LRFN5: variants seen among roughly 807,000 people sequenced by gnomAD.
The protein encoded by LRFN5 is leucine rich repeat and fibronectin type III domain containing 5.
LRFN5 carries 24 observed loss-of-function variants against 45.6 expected under a neutral mutation model. The ratio of observed to expected loss-of-function variants is 0.53; its 90% confidence interval spans 0.38 to 0.74. LRFN5 has a LOEUF of 0.74. LRFN5 is among the 30% of genes least tolerant of loss of function. The pLI is 0.00. For synonymous variants in LRFN5, 340 were observed against 313.8 expected (o/e 1.08, Z -0.88); for missense variants, 776 against 861.5 (o/e 0.90, Z 1.24).
chr14:41,886,856 G>A lies in LRFN5; in HGVS notation c.231G>A (p.Leu77=). The A allele has an allele frequency of 6.2e-7, 1 of 1,614,068 alleles. No homozygotes were observed. The highest frequency in any genetic ancestry group is 1.6e-4 in the Middle Eastern group (1 of 6,062). The change falls in exon 3 of 6, where the codon TTG becomes TTA. Residue 77 remains leucine, a synonymous_variant. Coordinates refer to ENST00000298119, the MANE Select transcript of LRFN5 (RefSeq NM_152447.5). ...KRKDFANMTS[L]VDLTLSRNTI... ...AAGATTTTGCCAATATGACCAGCTT[G>A]GTGGACCTGACTCTATCCAGGAATA...
chr14:41,893,763 TC>T, intron 4 of LRFN5: 1 of 985,368 alleles, frequency 1.0e-6, no homozygotes, highest in Non-Finnish European at 1.2e-6. Flanking sequence ...AAAATAATTA[TC>T]CAATGGGCTT....
chr14:41,717,157 AAG>A (rs1883526350), intron 1 of LRFN5, among the ~76,000 whole-genome samples: 2 of 152,312 alleles, frequency 1.3e-5, no homozygotes, highest in African/African-American at 4.8e-5. Context: ...ATAAATAAAA[AAG>A]AATGTAAATG....
intron 1 of LRFN5, among the ~76,000 whole-genome samples, chr14:41,624,665 T>C (rs1177372273): frequency 6.6e-6 from 1 of 152,104 alleles, no homozygotes; most frequent in African/African-American, 2.4e-5. Flanking sequence ...GAAATACTGT[T>C]ACTCTACATT....
chr14:41,780,601 T>C (rs74633775), intron 2 of LRFN5, among the ~76,000 whole-genome samples: 1 of 149,998 alleles, frequency 6.7e-6, no homozygotes, highest in African/African-American at 2.5e-5. Flanking sequence ...AGATAACATA[T>C]AATTGAGTTT....
intron 1 of LRFN5, among the ~76,000 whole-genome samples, chr14:41,728,649 T>C (rs1460234789): frequency 6.6e-6 from 1 of 152,194 alleles, no homozygotes; most frequent in East Asian, 1.9e-4. Context: ...CCTAATTCTT[T>C]ATCATTAAGA....
intron 2 of LRFN5, among the ~76,000 whole-genome samples, chr14:41,828,175 T>A (rs1957864): frequency 0.51 from 77,896 of 151,796 alleles, 20,921 homozygotes; most frequent in African/African-American, 0.63. Context: ...GATTTTAGAT[T>A]TGAAGAAAAC....
intron 4 of LRFN5, chr14:41,894,150 AG>A (rs1890867625): frequency 1.0e-6 from 1 of 984,524 alleles, no homozygotes; most frequent in South Asian, 4.7e-5. Flanking sequence ...GAATCTTCAA[AG>A]ACTTTCTGGG....
At chr14:41,751,868 C>A (rs1885148811) in intron 1 of LRFN5, among the ~76,000 whole-genome samples, 1 of 151,972 alleles carries the variant, frequency 6.6e-6, no homozygotes. Context: ...CACCCATTAA[C>A]TTGTCATTTA....
chr14:41,624,703 G>C (rs959742158), intron 1 of LRFN5, among the ~76,000 whole-genome samples: 1 of 152,034 alleles, frequency 6.6e-6, no homozygotes, highest in Non-Finnish European at 1.5e-5. Flanking sequence ...TTGAAGTGCA[G>C]AATCTGACTA....
chr14:41,826,236 C>G (rs1016179802), intron 2 of LRFN5, among the ~76,000 whole-genome samples: 6 of 152,118 alleles, frequency 3.9e-5, no homozygotes, highest in Non-Finnish European at 8.8e-5. Flanking sequence ...AGAGGTTGCT[C>G]ATTACATTAT....
intron 2 of LRFN5, among the ~76,000 whole-genome samples, chr14:41,776,074 T>G (rs904971715): frequency 6.6e-6 from 1 of 152,230 alleles, no homozygotes; most frequent in Admixed American, 6.5e-5. Context: ...CAACCAACAT[T>G]GGAATCGCTT....
intron 1 of LRFN5, among the ~76,000 whole-genome samples, chr14:41,608,766 T>C (rs944587124): frequency 6.6e-6 from 1 of 152,210 alleles, no homozygotes; most frequent in Non-Finnish European, 1.5e-5. Context: ...CTTAATCTAG[T>C]AGTGAAAGCT....
intron 2 of LRFN5, among the ~76,000 whole-genome samples, chr14:41,814,173 C>A (rs1887837204): frequency 1.3e-5 from 2 of 152,082 alleles, no homozygotes; most frequent in African/African-American, 4.8e-5. Context: ...CTTTAGATCC[C>A]ATTTGTCAAT....
intron 2 of LRFN5, among the ~76,000 whole-genome samples, chr14:41,835,172 A>G (rs1433446312): frequency 6.6e-6 from 1 of 152,156 alleles, no homozygotes; most frequent in African/African-American, 2.4e-5. Context: ...AGCAGTTTCC[A>G]TTTTCAAATG....
At chr14:41,631,151 AC>A (rs1350142021) in intron 1 of LRFN5, among the ~76,000 whole-genome samples, 1 of 152,094 alleles carries the variant, frequency 6.6e-6, no homozygotes, top group Non-Finnish European at 1.5e-5. Context: ...AGCCCTCCAA[AC>A]CCCAATATAA....
intron 2 of LRFN5, among the ~76,000 whole-genome samples, chr14:41,779,044 G>A (rs1886391861): frequency 6.6e-6 from 1 of 151,716 alleles, no homozygotes; most frequent in South Asian, 2.1e-4. Context: ...ACTGTTAATA[G>A]GAATGCTGAG....
intron 1 of LRFN5, among the ~76,000 whole-genome samples, chr14:41,614,972 A>C (rs1887882549): frequency 6.6e-6 from 1 of 152,052 alleles, no homozygotes; most frequent in African/African-American, 2.4e-5. Context: ...GGAACCAGGC[A>C]GAAGATGTAA....
chr14:41,661,044 T>C (rs988049472), intron 1 of LRFN5, among the ~76,000 whole-genome samples: 2 of 151,156 alleles, frequency 1.3e-5, no homozygotes, highest in African/African-American at 4.9e-5. Context: ...AAATAATAGA[T>C]GCTAATCTCG....
chr14:41,786,923 C>T (rs991761385), intron 2 of LRFN5, among the ~76,000 whole-genome samples: 16 of 151,820 alleles, frequency 1.1e-4, no homozygotes, highest in African/African-American at 3.9e-4. Context: ...GCTATGAATA[C>T]CATCTTGTGT....
Sources: allele counts gnomAD v4.1 joint callset (sites outside exome capture counted in the v4.1 genomes callset), GRCh38; gene constraint gnomAD v4.1.1; transcripts MANE v1.5; gene names NCBI Gene and HGNC (gene_info 2026-07-23, HGNC 2026-07-21).